BRCA1: variants seen among roughly 807,000 people sequenced by gnomAD.
The protein encoded by BRCA1 is breast cancer type 1 susceptibility protein.
A neutral mutation model predicts 173.7 loss-of-function variants in BRCA1; 140 were observed. The observed-to-expected ratio is 0.81, with a 90% CI of 0.70 to 0.93. The LOEUF is 0.93. Ranked by LOEUF, BRCA1 falls within the 40% of genes least tolerant of loss-of-function variation. BRCA1 has a pLI of 0.00. For missense variants in BRCA1, 1,983 were observed against 2,172.5 expected (o/e 0.91, Z 1.73); for synonymous variants, 662 against 756.0 (o/e 0.88, Z 2.04).
chr17:43,130,211 C>T (rs899258929), upstream of BRCA1, among the ~76,000 whole-genome samples: 7 of 152,158 alleles, frequency 4.6e-5, no homozygotes, highest in Admixed American at 6.5e-5. Flanking sequence ...AGACAGGGTC[C>T]GGCTTTGTTG....
At chr17:43,104,599 G>A (rs193011029) in intron 5 of BRCA1, among the ~76,000 whole-genome samples, 140 of 152,206 alleles carry the variant, frequency 9.2e-4, no homozygotes, top group African/African-American at 3.3e-3. Flanking sequence ...AAGAAAGAAA[G>A]CACACAAATT....
intron 12 of BRCA1, among the ~76,000 whole-genome samples, chr17:43,080,798 C>G (rs1470299095): frequency 6.6e-6 from 1 of 151,778 alleles, no homozygotes; most frequent in Non-Finnish European, 1.5e-5. Context: ...AGAGCAAGAC[C>G]CTCTCTATAA....
At chr17:43,167,907 C>T (rs770958316) in intron 1 of BRCA1, 1 of 159,478 alleles carries the variant, frequency 6.3e-6, no homozygotes, top group Admixed American at 6.5e-5. Context: ...CAGTGCAGAA[C>T]CAATCAAGAC....
intron 13 of BRCA1, among the ~76,000 whole-genome samples, chr17:43,075,879 TC>T (rs2052688823): frequency 1.3e-5 from 2 of 151,794 alleles, no homozygotes; most frequent in Non-Finnish European, 2.9e-5. Flanking sequence ...ACTACTTGAG[TC>T]CAGGAATTTG....
intron 12 of BRCA1, 106 bp downstream of exon 12, chr17:43,082,298 G>A (rs559280434): frequency 1.6e-6 from 2 of 1,254,536 alleles, no homozygotes; most frequent in African/African-American, 3.0e-5. Context: ...CATGTGCTGA[G>A]CAAGGATCAT....
intron 1 of BRCA1, among the ~76,000 whole-genome samples, chr17:43,147,231 C>T (rs2056129432): frequency 6.6e-6 from 1 of 152,066 alleles, no homozygotes; most frequent in African/African-American, 2.4e-5. Context: ...GCTCTGTAGC[C>T]CAGGCTGGAG....
At chr17:43,107,279 G>T (rs1439114715) in intron 3 of BRCA1, among the ~76,000 whole-genome samples, 2 of 151,620 alleles carry the variant, frequency 1.3e-5, no homozygotes, top group African/African-American at 2.4e-5. Context: ...TAGCCAGGAT[G>T]GTCTCCATCT....
intron 6 of BRCA1, among the ~76,000 whole-genome samples, chr17:43,100,680 T>TATATATATATATATATATATA (rs2054420196): frequency 4.5e-4 from 5 of 11,074 alleles, no homozygotes; most frequent in Non-Finnish European, 8.0e-4. Context: ...ATATATATAA[T>TATATATATATATATATATATA]ATATATATAT....
intron 11 of BRCA1, 155 bp from the exon 12 acceptor site, chr17:43,082,730 A>G (rs1752532720): frequency 1.3e-6 from 1 of 767,690 alleles, no homozygotes; most frequent in African/African-American, 1.7e-5. Context: ...ATCTAACCAC[A>G]TTCATGCAAT....
At chr17:43,088,103 C>T (rs1361091210) in intron 11 of BRCA1, among the ~76,000 whole-genome samples, 1 of 152,166 alleles carries the variant, frequency 6.6e-6, no homozygotes, top group African/African-American at 2.4e-5. Flanking sequence ...TGTGCACACA[C>T]AGGAATACTA....
At chr17:43,136,177 A>G (rs2056021452) in intron 1 of BRCA1, among the ~76,000 whole-genome samples, 1 of 152,258 alleles carries the variant, frequency 6.6e-6, no homozygotes, top group Admixed American at 6.5e-5. Context: ...TGAAACAGGC[A>G]ATGAGGAAAG....
chr17:43,135,466 C>A (rs1395447202), intron 1 of BRCA1, among the ~76,000 whole-genome samples: 2 of 152,212 alleles, frequency 1.3e-5, no homozygotes, highest in African/African-American at 2.4e-5. Context: ...GGACCTGATA[C>A]AACAGTGCGT....
chr17:43,058,013 C>CT (rs2051582125), intron 18 of BRCA1, among the ~76,000 whole-genome samples: 1 of 90,532 alleles, frequency 1.1e-5, no homozygotes, highest in Non-Finnish European at 1.9e-5. Flanking sequence ...GAGTGAAACT[C>CT]TGTCTCAAAA....
intron 8 of BRCA1, 151 bp downstream of exon 8, chr17:43,097,093 G>T: frequency 1.4e-6 from 1 of 729,458 alleles, no homozygotes; most frequent in Non-Finnish European, 2.3e-6. Flanking sequence ...CAAATCCCAA[G>T]TCGTGTGTTT....
chr17:43,144,743 A>T (rs2056106321), intron 1 of BRCA1: 8 of 294,408 alleles, frequency 2.7e-5, no homozygotes, highest in South Asian at 2.5e-4. Flanking sequence ...CTCCGAGGGC[A>T]GGCATGGTGG....
intron 7 of BRCA1, 48 bp downstream of exon 7, chr17:43,099,727 G>A (rs1323474725): frequency 3.4e-6 from 5 of 1,486,708 alleles, no homozygotes; most frequent in Non-Finnish European, 4.7e-6. Context: ...TATAAGATAA[G>A]GAATCCAGCA....
intron 1 of BRCA1, chr17:43,145,063 G>A (rs2056110411): frequency 4.9e-6 from 4 of 810,348 alleles, no homozygotes; most frequent in South Asian, 4.0e-5. Context: ...AAGCGAAGCC[G>A]AAAAAGGCAG....
chr17:43,089,724 A>C (rs1335638075), intron 11 of BRCA1, among the ~76,000 whole-genome samples: 2 of 151,904 alleles, frequency 1.3e-5, no homozygotes, highest in African/African-American at 4.8e-5. Context: ...TTAAAAAAAA[A>C]ATAGGCCAGG....
At chr17:43,154,738 C>T (rs2056185827) in intron 1 of BRCA1, among the ~76,000 whole-genome samples, 1 of 151,928 alleles carries the variant, frequency 6.6e-6, no homozygotes, top group African/African-American at 2.4e-5. Context: ...CAGCAGTTTA[C>T]AAAATAAAAC....
Sources: gnomAD v4.1 joint callset for allele counts (sites outside exome capture counted in the v4.1 genomes callset) on GRCh38, gnomAD v4.1.1 for gene constraint, MANE v1.5 for transcripts, NCBI Gene and HGNC (gene_info 2026-07-23, HGNC 2026-07-21) for gene names.